The following SMYD3 variants were observed in gnomAD, a reference collection of about 807,000 sequenced individuals.
SMYD3 encodes the protein SET and MYND domain containing 3, also known as histone-lysine N-methyltransferase SMYD3.
SMYD3 carries 36 observed loss-of-function variants against 57.7 expected under a neutral mutation model. That is an observed-to-expected ratio of 0.62 (90% CI 0.48 to 0.82). SMYD3 has a LOEUF of 0.82. SMYD3 is among the 40% of genes least tolerant of loss of function. The pLI is 0.00. For missense variants in SMYD3, 515 were observed against 538.8 expected (o/e 0.96, Z 0.44); for synonymous variants, 211 against 195.0 (o/e 1.08, Z -0.68).
At chr1:246,194,394 G>C (rs1041004632) in intron 5 of SMYD3, among the ~76,000 whole-genome samples, 1 of 151,644 alleles carries the variant, frequency 6.6e-6, no homozygotes, top group Non-Finnish European at 1.5e-5. Flanking sequence ...TCAGCCTCCC[G>C]AGTAGCTGGG....
intron 2 of SMYD3, among the ~76,000 whole-genome samples, chr1:246,337,491 GT>G (rs1232004107): frequency 3.9e-5 from 6 of 152,118 alleles, no homozygotes; most frequent in African/African-American, 1.4e-4. Context: ...AACTTTTTTG[GT>G]TTTTTACTGA....
At chr1:245,966,082 C>T (rs1572806352) in intron 5 of SMYD3, among the ~76,000 whole-genome samples, 3 of 152,134 alleles carry the variant, frequency 2.0e-5, no homozygotes, top group East Asian at 1.9e-4. Context: ...AGGATTTTTA[C>T]ACAACTAAGC....
At chr1:245,814,140 C>T (rs1041499398) in intron 10 of SMYD3, among the ~76,000 whole-genome samples, 3 of 152,106 alleles carry the variant, frequency 2.0e-5, no homozygotes, top group South Asian at 4.2e-4. Context: ...AGTTAGTGCC[C>T]TTCCTGTCTA....
intron 5 of SMYD3, among the ~76,000 whole-genome samples, chr1:245,965,755 A>G (rs1442464396): frequency 6.6e-6 from 1 of 152,220 alleles, no homozygotes; most frequent in Admixed American, 6.5e-5. Flanking sequence ...CAGGTGGAAC[A>G]TGAAAGATTT....
chr1:246,111,601 G>A (rs531840552), intron 5 of SMYD3: 1 of 152,300 alleles, frequency 6.6e-6, no homozygotes, highest in South Asian at 2.1e-4. Flanking sequence ...TCATGTTTTT[G>A]CACAGCTTAA....
intron 5 of SMYD3, among the ~76,000 whole-genome samples, chr1:246,079,281 G>A (rs992407195): frequency 2.0e-5 from 3 of 152,168 alleles, no homozygotes; most frequent in African/African-American, 4.8e-5. Context: ...ATGTCTGAAT[G>A]ATTGTAAGGA....
intron 1 of SMYD3, among the ~76,000 whole-genome samples, chr1:246,357,758 T>C (rs568573547): frequency 6.6e-6 from 1 of 152,246 alleles, no homozygotes; most frequent in East Asian, 1.9e-4. Context: ...TTAAGACAAA[T>C]GCTGAGAGAA....
intron 10 of SMYD3, among the ~76,000 whole-genome samples, chr1:245,790,638 A>G (rs972488397): frequency 1.8e-4 from 28 of 152,350 alleles, no homozygotes; most frequent in African/African-American, 6.0e-4. Context: ...GGAGAGCCTC[A>G]TTTCTGAAGC....
At chr1:246,419,066 T>C (rs188671441) in intron 1 of SMYD3, among the ~76,000 whole-genome samples, 64 of 152,314 alleles carry the variant, frequency 4.2e-4, no homozygotes, top group African/African-American at 1.5e-3. Context: ...CCTCCGCCCT[T>C]GAGAATGTAA....
chr1:246,289,397 G>A (rs937638426), intron 5 of SMYD3, among the ~76,000 whole-genome samples: 4 of 152,202 alleles, frequency 2.6e-5, no homozygotes, highest in Non-Finnish European at 4.4e-5. Flanking sequence ...CATGCAGAAC[G>A]TCACCAGTTT....
rs200665516 is a variant in SMYD3, at chr1:245,797,679, TATAG to T, written c.1077-33534_1077-33531del. ...CCCTAGAACTTAAAGTATAATTATA[TATAG>T]ATAGATAGATAGATATAAAGAAAAG... On this transcript the variant is annotated intron_variant, in intron 10 of 11. Coordinates refer to ENST00000490107, the MANE Select transcript of SMYD3 (RefSeq NM_001167740.2). Among the ~76,000 whole-genome samples, 906 of 151,764 alleles carry T rather than the reference TATAG, an allele frequency of 6.0e-3. 9 individuals are homozygous for T. Among genetic ancestry groups the T allele is most frequent in the African/African-American group, 0.02 (831 of 41,324 alleles).
intron 5 of SMYD3, among the ~76,000 whole-genome samples, chr1:246,012,280 CCT>C (rs1475704828): frequency 2.0e-5 from 3 of 152,176 alleles, no homozygotes; most frequent in Non-Finnish European, 4.4e-5. Context: ...AAATTATTTT[CCT>C]CTTATTTCAC....
At chr1:246,218,099 T>C (rs1023757452) in intron 5 of SMYD3, among the ~76,000 whole-genome samples, 14 of 151,986 alleles carry the variant, frequency 9.2e-5, no homozygotes, top group African/African-American at 3.4e-4. Context: ...CCATCACGAA[T>C]AAATCTCAGA....
intron 5 of SMYD3, among the ~76,000 whole-genome samples, chr1:246,278,392 T>C (rs1316482807): frequency 6.6e-6 from 1 of 152,202 alleles, no homozygotes; most frequent in Admixed American, 6.5e-5. Context: ...TAACAGAATA[T>C]GGCAAAGGTA....
chr1:246,249,136 C>T (rs1397992853), intron 5 of SMYD3, among the ~76,000 whole-genome samples: 1 of 151,460 alleles, frequency 6.6e-6, no homozygotes, highest in Non-Finnish European at 1.5e-5. Flanking sequence ...TTTTGAGACA[C>T]AGTCTCACTC....
intron 5 of SMYD3, among the ~76,000 whole-genome samples, chr1:246,241,905 G>T (rs948226328): frequency 6.6e-6 from 1 of 152,084 alleles, no homozygotes; most frequent in Non-Finnish European, 1.5e-5. Flanking sequence ...ATTCTCTGAT[G>T]GTAGTTTGCA....
At chr1:245,771,628 C>T (rs547926387) in intron 10 of SMYD3, among the ~76,000 whole-genome samples, 2 of 152,264 alleles carry the variant, frequency 1.3e-5, no homozygotes, top group African/African-American at 4.8e-5. Context: ...TAAAAGGCTT[C>T]GCTTTAGGTC....
chr1:246,312,279 A>T (rs2065092713), intron 5 of SMYD3, among the ~76,000 whole-genome samples: 1 of 152,168 alleles, frequency 6.6e-6, no homozygotes, highest in African/African-American at 2.4e-5. Context: ...AAATGATCAA[A>T]TCTGGGTTTT....
intron 2 of SMYD3, among the ~76,000 whole-genome samples, chr1:246,349,720 C>T (rs2065790814): frequency 6.6e-6 from 1 of 152,020 alleles, no homozygotes; most frequent in African/African-American, 2.4e-5. Context: ...AACTTGGATT[C>T]GTCGTAAATG....
Sources: gnomAD v4.1 joint callset for allele counts (sites outside exome capture counted in the v4.1 genomes callset) on GRCh38, gnomAD v4.1.1 for gene constraint, MANE v1.5 for transcripts, NCBI Gene and HGNC (gene_info 2026-07-23, HGNC 2026-07-21) for gene names.